The following NLN variants were observed in gnomAD, a reference collection of about 807,000 sequenced individuals.
NLN encodes the protein neurolysin, mitochondrial.
NLN carries 64 observed loss-of-function variants against 79.9 expected under a neutral mutation model. The observed-to-expected ratio is 0.80, with a 90% CI of 0.65 to 0.99. NLN has a LOEUF of 0.99. Ranked by LOEUF, NLN falls within the 50% of genes least tolerant of loss-of-function variation. NLN has a pLI of 0.00. For missense variants in NLN, 835 were observed against 858.7 expected, an observed-to-expected ratio of 0.97 and a Z score of 0.34; for synonymous variants, 267 against 296.6, an observed-to-expected ratio of 0.90 and a Z score of 1.02.
chr5:65,804,589 G>A (rs561932302), intron 9 of NLN, among the ~76,000 whole-genome samples: 1 of 152,248 alleles, frequency 6.6e-6, no homozygotes, highest in African/African-American at 2.4e-5. Flanking sequence ...GAGTCCAGTG[G>A]TGCAGTCTCA....
chr5:65,785,933 A>G (rs768891069), intron 7 of NLN, 23 bp downstream of exon 7: 13 of 1,597,758 alleles, frequency 8.1e-6, no homozygotes, highest in Non-Finnish European at 1.7e-6. Flanking sequence ...TTTTTTTTCT[A>G]TGACTGTTTT....
chr5:65,786,108 G>C (rs1759915501), intron 7 of NLN, 198 bp downstream of exon 7: 1 of 433,126 alleles, frequency 2.3e-6, no homozygotes, highest in African/African-American at 2.0e-5. Flanking sequence ...TATAGGCCTG[G>C]CTTCACTGTA....
intron 12 of NLN, among the ~76,000 whole-genome samples, chr5:65,816,998 C>T (rs1415101430): frequency 2.0e-5 from 3 of 152,080 alleles, no homozygotes; most frequent in African/African-American, 7.2e-5. Flanking sequence ...CCAGGCCTTC[C>T]TTCTCTCTGT....
At chr5:65,766,585 C>T (rs994259824) in intron 3 of NLN, among the ~76,000 whole-genome samples, 9 of 152,162 alleles carry the variant, frequency 5.9e-5, no homozygotes. Context: ...ATCACACCCC[C>T]AGCCCCTCAC....
chr5:65,733,601 C>T, intron 1 of NLN: 2 of 1,500,116 alleles, frequency 1.3e-6, no homozygotes, highest in South Asian at 2.3e-5. Flanking sequence ...CCGTCCCCTG[C>T]CCTTCCTGTG....
intron 9 of NLN, among the ~76,000 whole-genome samples, chr5:65,799,835 T>A (rs1760245278): frequency 1.3e-5 from 2 of 152,218 alleles, no homozygotes; most frequent in Admixed American, 1.3e-4. Context: ...TTATTTCCAG[T>A]GATCACTCGG....
rs553086198 is a variant in NLN, at chr5:65,738,252, T to G, written c.41+15838T>G. Among the ~76,000 whole-genome samples the G allele has an allele frequency of 4.3e-4, 66 of 151,998 alleles. No homozygotes were observed. The Middle Eastern group carries it at 0.014, about 31-fold the overall frequency. On this transcript the variant is annotated intron_variant, in intron 1 of 12. Transcript: ENST00000380985. ...GTACCACAGAGTGGAGAGATTGATA[T>G]GGAAGATCAGGGAAAAGATATTACT...
chr5:65,726,313 C>A (rs972151502), intron 1 of NLN, among the ~76,000 whole-genome samples: 1 of 152,112 alleles, frequency 6.6e-6, no homozygotes, highest in African/African-American at 2.4e-5. Flanking sequence ...ATACTTTTTA[C>A]CATTTCATTA....
chr5:65,730,543 CT>C (rs530066196), intron 1 of NLN, among the ~76,000 whole-genome samples: 2,986 of 142,682 alleles, frequency 0.021, 82 homozygotes, highest in African/African-American at 0.066. Context: ...CTATTTTCTT[CT>C]TTTTTTTTTT....
intron 1 of NLN, among the ~76,000 whole-genome samples, chr5:65,747,602 T>C (rs1449934490): frequency 6.6e-6 from 1 of 152,144 alleles, no homozygotes; most frequent in Non-Finnish European, 1.5e-5. Flanking sequence ...TCCTGTACCA[T>C]GAGGGGCCTC....
At chr5:65,766,713 A>G (rs1232869823) in intron 3 of NLN, among the ~76,000 whole-genome samples, 3 of 152,208 alleles carry the variant, frequency 2.0e-5, no homozygotes, top group Non-Finnish European at 4.4e-5. Context: ...CTCTGAGACA[A>G]GGCAAGTCTC....
intron 3 of NLN, 147 bp downstream of exon 3, chr5:65,763,255 A>G (rs1759378783): frequency 1.5e-6 from 1 of 661,032 alleles, no homozygotes; most frequent in South Asian, 2.0e-5. Flanking sequence ...ATAGTATTAC[A>G]TAATGTTAAT....
rs1052777919 is a variant in NLN at position 65,825,948 on chromosome 5, A to T, written c.*3033A>T. 1 of 152,228 alleles carries T rather than the reference A, an allele frequency of 6.6e-6. No homozygotes were observed. Among genetic ancestry groups the T allele is most frequent in the Non-Finnish European group, 1.5e-5 (1 of 68,028 alleles). 9.4% of individuals were successfully genotyped at this position (152,228 alleles called of 1,614,324 possible). On this transcript the variant is annotated 3_prime_UTR_variant, in exon 13 of 13. Transcript: ENST00000380985. ...GATTAAAATTTACATTAAAATTTAC[A>T]TTAAAATACCATCATACTTCAGGCT... is the stretch of plus-strand genomic sequence containing the variant.
At position 65,824,005 on chromosome 5, in the gene NLN, T is replaced by A. The variant is rs1296766932; in HGVS notation, c.*1090T>A. 1 of 152,220 alleles carries A rather than the reference T, an allele frequency of 6.6e-6. No homozygotes were observed. The highest frequency in any genetic ancestry group is 2.4e-5 in the African/African-American group (1 of 41,456). 9.4% of individuals were successfully genotyped at this position (152,220 alleles called of 1,614,324 possible). The stretch of plus-strand genomic sequence containing the variant: ...GCCTGTTCTGTCTGGTGATTTTTAT[T>A]TTAAGTGAACCTTTGGATCTATCTT... On this transcript the variant is annotated 3_prime_UTR_variant, in exon 13 of 13. Coordinates refer to ENST00000380985, the MANE Select transcript of NLN (RefSeq NM_020726.5).
At chr5:65,780,039 T>G in intron 4 of NLN, 140 bp from the exon 5 acceptor site, 1 of 528,354 alleles carries the variant, frequency 1.9e-6, no homozygotes, top group Non-Finnish European at 3.4e-6. Context: ...TTAGCCAGGC[T>G]GGTCTTGGAC....
chr5:65,752,283 A>G (rs1051237207), intron 1 of NLN, among the ~76,000 whole-genome samples: 3 of 152,216 alleles, frequency 2.0e-5, no homozygotes, highest in African/African-American at 7.2e-5. Flanking sequence ...AAGTGCTTTG[A>G]AAACAGAGGA....
chr5:65,821,893 C>G (rs1057048182), intron 12 of NLN, among the ~76,000 whole-genome samples: 18 of 152,200 alleles, frequency 1.2e-4, no homozygotes, highest in Admixed American at 2.6e-4. Context: ...TTGTACCAAT[C>G]AAAATGTTGT....
chr5:65,808,909 C>T (rs75231261), intron 9 of NLN, among the ~76,000 whole-genome samples: 1,738 of 152,318 alleles, frequency 0.011, 31 homozygotes, highest in African/African-American at 0.04. Context: ...CTTAGAACCA[C>T]TCATTTAAAG....
intron 6 of NLN, 93 bp from the exon 7 acceptor site, chr5:65,785,682 C>A: frequency 4.8e-5 from 44 of 909,994 alleles, no homozygotes; most frequent in South Asian, 1.1e-4. Context: ...GATAATTTTA[C>A]AAACCTAAAA....
Sources: gnomAD v4.1 joint callset for allele counts (sites outside exome capture counted in the v4.1 genomes callset) on GRCh38, gnomAD v4.1.1 for gene constraint, MANE v1.5 for transcripts, NCBI Gene and HGNC (gene_info 2026-07-23, HGNC 2026-07-21) for gene names.